CLSTN2: variants seen among roughly 807,000 people sequenced by gnomAD.
The protein encoded by CLSTN2 is calsyntenin 2.
In CLSTN2, 48 loss-of-function variants were observed where a neutral mutation model predicts 101.2. The ratio of observed to expected loss-of-function variants is 0.47; its 90% CI spans 0.38 to 0.60. The LOEUF is 0.60. Ranked by LOEUF, CLSTN2 falls within the 20% of genes least tolerant of loss-of-function variation. The pLI is 0.00. For synonymous variants in CLSTN2, 481 were observed against 463.6 expected, an observed-to-expected ratio of 1.04 and a Z score of -0.48; for missense variants, 1,160 against 1,238.2, an observed-to-expected ratio of 0.94 and a Z score of 0.95.
intron 1 of CLSTN2, among the ~76,000 whole-genome samples, chr3:140,141,968 A>T (rs920473954): frequency 6.6e-6 from 1 of 152,222 alleles, no homozygotes; most frequent in Non-Finnish European, 1.5e-5. Flanking sequence ...TTAATAAAGA[A>T]AACAAAAAAT....
At position 140,332,868 on chromosome 3, in the gene CLSTN2, T is replaced by C. The variant is rs149839089; in HGVS notation, c.233-70761T>C. Reference sequence around the variant, plus strand: ...TTTCCTCTAGATCTTAGCAGAACCTTTGAAAATTAAAGAAGGCTCAGCTGA... The same window carrying C: ...TTTCCTCTAGATCTTAGCAGAACCTCTGAAAATTAAAGAAGGCTCAGCTGA... On this transcript the variant is annotated intron_variant, in intron 2 of 16. Coordinates refer to ENST00000458420, the MANE Select transcript of CLSTN2 (RefSeq NM_022131.3). Among the ~76,000 whole-genome samples the C allele has an allele frequency of 5.0e-3, 758 of 152,236 alleles. 3 individuals carry two copies. The highest frequency in any genetic ancestry group is 0.017 in the African/African-American group (703 of 41,532).
chr3:140,055,673 C>T (rs1428409372), intron 1 of CLSTN2, among the ~76,000 whole-genome samples: 1 of 152,144 alleles, frequency 6.6e-6, no homozygotes, highest in Non-Finnish European at 1.5e-5. Context: ...TAAATGTTTC[C>T]TTTTTCCTTC....
intron 1 of CLSTN2, among the ~76,000 whole-genome samples, chr3:139,957,081 G>A (rs1018894556): frequency 6.6e-6 from 1 of 152,218 alleles, no homozygotes; most frequent in Admixed American, 6.5e-5. Context: ...TGATGATGCT[G>A]TACAGGAGGG....
chr3:139,936,084 C>A (rs1484856917), intron 1 of CLSTN2, among the ~76,000 whole-genome samples: 1 of 152,202 alleles, frequency 6.6e-6, no homozygotes, highest in East Asian at 1.9e-4. Flanking sequence ...CTTTCCTACT[C>A]CGCTCTGACT....
At chr3:140,017,374 A>G (rs2007222636) in intron 1 of CLSTN2, among the ~76,000 whole-genome samples, 1 of 152,180 alleles carries the variant, frequency 6.6e-6, no homozygotes, top group Non-Finnish European at 1.5e-5. Context: ...TTTGAAAGCA[A>G]GGAGAATGGG....
At chr3:140,500,078 A>AG (rs1386465823) in intron 8 of CLSTN2, among the ~76,000 whole-genome samples, 2 of 152,088 alleles carry the variant, frequency 1.3e-5, no homozygotes, top group Non-Finnish European at 2.9e-5. Flanking sequence ...AAAAAAAAAA[A>AG]AAGTTCTCAT....
chr3:140,243,590 C>T (rs903566870), intron 2 of CLSTN2, among the ~76,000 whole-genome samples: 1 of 152,186 alleles, frequency 6.6e-6, no homozygotes, highest in African/African-American at 2.4e-5. Flanking sequence ...GAAAGTGCCA[C>T]ACTTGGGCTT....
chr3:140,251,898 G>A (rs567080100), intron 2 of CLSTN2, among the ~76,000 whole-genome samples: 86 of 152,306 alleles, frequency 5.6e-4, no homozygotes, highest in Non-Finnish European at 1.2e-3. Flanking sequence ...TCAAAAAACA[G>A]CAATGTGCTT....
chr3:140,081,893 T>C (rs1435206372), intron 1 of CLSTN2, among the ~76,000 whole-genome samples: 1 of 152,210 alleles, frequency 6.6e-6, no homozygotes, highest in Non-Finnish European at 1.5e-5. Flanking sequence ...AGCTTACTTA[T>C]TTTTTATTAT....
At chr3:140,479,121 A>G (rs1934057745) in intron 8 of CLSTN2, among the ~76,000 whole-genome samples, 2 of 152,332 alleles carry the variant, frequency 1.3e-5, no homozygotes, top group African/African-American at 4.8e-5. Context: ...TCAGGAAAAG[A>G]AAATGAAAAG....
chr3:140,563,024 G>T (rs1360466359), intron 14 of CLSTN2, 56 bp from the exon 15 acceptor site: 2 of 1,611,648 alleles, frequency 1.2e-6, no homozygotes, highest in African/African-American at 1.3e-5. Context: ...CAGAAATGCT[G>T]TAACTGGCCC....
At chr3:140,382,419 T>C (rs2087995314) in intron 2 of CLSTN2, among the ~76,000 whole-genome samples, 1 of 152,222 alleles carries the variant, frequency 6.6e-6, no homozygotes, top group African/African-American at 2.4e-5. Flanking sequence ...TGAAGAAGGC[T>C]GATCATCCAG....
At chr3:140,302,412 G>A (rs762164284) in intron 2 of CLSTN2, among the ~76,000 whole-genome samples, 4 of 152,134 alleles carry the variant, frequency 2.6e-5, no homozygotes, top group Admixed American at 1.3e-4. Context: ...GTGTTCATTT[G>A]GTTCCCTTGG....
chr3:139,947,830 C>A (rs987359855), intron 1 of CLSTN2, among the ~76,000 whole-genome samples: 1 of 147,510 alleles, frequency 6.8e-6, no homozygotes, highest in Non-Finnish European at 1.5e-5. Context: ...ATAAATAAAG[C>A]ATTTTTATTG....
chr3:140,076,770 C>T (rs2008500489), intron 1 of CLSTN2, among the ~76,000 whole-genome samples: 1 of 151,422 alleles, frequency 6.6e-6, no homozygotes, highest in Non-Finnish European at 1.5e-5. Context: ...GGTACTTAGC[C>T]TGTGCAGTGT....
intron 1 of CLSTN2, among the ~76,000 whole-genome samples, chr3:140,094,855 G>A (rs1344002030): frequency 6.6e-6 from 1 of 152,162 alleles, no homozygotes; most frequent in African/African-American, 2.4e-5. Flanking sequence ...CTTTGTCAGA[G>A]GTTTCACTCA....
chr3:140,043,094 G>T (rs1331485872), intron 1 of CLSTN2, among the ~76,000 whole-genome samples: 1 of 152,120 alleles, frequency 6.6e-6, no homozygotes, highest in Non-Finnish European at 1.5e-5. Flanking sequence ...CTGAGGAATC[G>T]CCACACTGTC....
At chr3:139,959,127 C>T (rs1261974903) in intron 1 of CLSTN2, among the ~76,000 whole-genome samples, 1 of 152,138 alleles carries the variant, frequency 6.6e-6, no homozygotes, top group Non-Finnish European at 1.5e-5. Context: ...TTCTGTAGCT[C>T]TAGCTTCTGG....
At chr3:140,001,966 T>G (rs2006850735) in intron 1 of CLSTN2, among the ~76,000 whole-genome samples, 1 of 152,240 alleles carries the variant, frequency 6.6e-6, no homozygotes, top group Admixed American at 6.5e-5. Context: ...TTCTTTTTTA[T>G]GGCAGAATAG....
Sources: allele counts gnomAD v4.1 joint callset (sites outside exome capture counted in the v4.1 genomes callset), GRCh38; gene constraint gnomAD v4.1.1; transcripts MANE v1.5; gene names NCBI Gene and HGNC (gene_info 2026-07-23, HGNC 2026-07-21).